LEMD2: variants seen among roughly 807,000 people sequenced by gnomAD.
LEMD2 encodes the protein LEM domain nuclear envelope protein 2.
In LEMD2, 34 loss-of-function variants were observed where a neutral mutation model predicts 58.8. The ratio of observed to expected loss-of-function variants is 0.58; its 90% CI spans 0.44 to 0.77. The LOEUF is 0.77. Ranked by LOEUF, LEMD2 falls within the 30% of genes least tolerant of loss-of-function variation. LEMD2 has a pLI of 0.00. For missense variants in LEMD2, 629 were observed against 717.9 expected (o/e 0.88, Z 1.42); for synonymous variants, 298 against 308.9 (o/e 0.96, Z 0.37).
intron 1 of LEMD2, 124 bp from the exon 2 acceptor site, chr6:33,786,898 G>A (rs1767689630): frequency 1.3e-6 from 2 of 1,501,392 alleles, no homozygotes; most frequent in East Asian, 4.8e-5. Flanking sequence ...GGATTAGAAA[G>A]ATGTCATCTA....
chr6:33,771,441 AAGACT>A lies in LEMD2; in HGVS notation c.*1182_*1186del, dbSNP rs1767288003. ...TATTAAGGAAACAAAAAATACCAGT[AAGACT>A]AGAGAGGGGTGGTTAATGTTTCTGG... On this transcript the variant is annotated 3_prime_UTR_variant, in exon 9 of 9. Coordinates refer to ENST00000293760, the MANE Select transcript of LEMD2 (RefSeq NM_181336.4). 1 of 152,250 alleles carries A rather than the reference AAGACT, an allele frequency of 6.6e-6. No individual in the cohort carries two copies. The highest frequency in any genetic ancestry group is 2.1e-4 in the South Asian group (1 of 4,838). 9.4% of individuals were successfully genotyped at this position (152,250 alleles called of 1,614,324 possible).
At chr6:33,776,618 C>T (rs1767435297) in intron 8 of LEMD2, 1 of 333,078 alleles carries the variant, frequency 3.0e-6, no homozygotes, top group African/African-American at 2.1e-5. Context: ...TGAACTTCCA[C>T]TTACAGAGAC....
At position 33,784,540 on chromosome 6, in the gene LEMD2, C is replaced by T. The variant is rs959920603; in HGVS notation, c.778-113G>A. On this transcript the variant is annotated intron_variant, in intron 2 of 8. Transcript: ENST00000293760. The stretch of plus-strand genomic sequence containing the variant: ...AAATACTAAACAGCAAGGAATATCT[C>T]ATACTTTTACAAAATAGAAAAAAAT... 5.8e-6 allele frequency: 4 copies of T among 692,742 alleles called. No homozygotes were observed. The African/African-American group carries it at 7.1e-5, about 12-fold the overall frequency. 42.9% of individuals were successfully genotyped at this position (692,742 alleles called of 1,614,324 possible).
In LEMD2 at chr6:33,789,082, T is replaced by A; in HGVS notation, c.35A>T (p.Glu12Val). The change falls in exon 1 of 9, where the codon GAG becomes GTG. Residue 12 changes from glutamate (E) to valine (V), a missense_variant. Physicochemically the swap from Glu to Val is moderately radical, Grantham distance 121. Around this residue, in one of 2 missense-constraint regions of LEMD2, gnomAD observed 386 missense variants for 381.1 expected, o/e 1.01. Coordinates refer to ENST00000293760, the MANE Select transcript of LEMD2 (RefSeq NM_181336.4). ...AGLSDLELRR[E>V]LQALGFQPGP... ...TGGCTGGAAGCCCAGGGCCTGCAGC[T>A]CCCGCCGCAGTTCCAGGTCCGACAG... 6.5e-7 allele frequency: 1 copy of A among 1,539,708 alleles called. No individual in the cohort carries two copies.
chr6:33,788,262 GAC>G, intron 1 of LEMD2, 117 bp downstream of exon 1: 4 of 1,047,872 alleles, frequency 3.8e-6, no homozygotes, highest in Non-Finnish European at 5.2e-6. Flanking sequence ...GAAATGAGAA[GAC>G]AGTCAGAGGC....
chr6:33,780,389 A>G, intron 4 of LEMD2: 1 of 590,430 alleles, frequency 1.7e-6, no homozygotes, highest in Admixed American at 2.6e-5. Context: ...ATGCGGAAGC[A>G]CAAGCAGGAA....
chr6:33,780,018 T>C lies in LEMD2; in HGVS notation c.1010+82A>G, dbSNP rs1582257117. On this transcript the variant is annotated intron_variant, in intron 5 of 8. Coordinates refer to ENST00000293760, the MANE Select transcript of LEMD2 (RefSeq NM_181336.4). The stretch of plus-strand genomic sequence containing the variant: ...TCCAGCTTCAGACCTGAGACAGCTC[T>C]GTTGGAGCACGGGTGTTAGCTGACG... 2.5e-6 allele frequency: 3 copies of C among 1,217,284 alleles called. No individual in the cohort carries two copies. The East Asian group carries it at 7.7e-5, about 31-fold the overall frequency. 75.4% of individuals were successfully genotyped at this position (1,217,284 alleles called of 1,614,324 possible). A position where few individuals can be genotyped will look rare whatever the true frequency, so the allele number is the denominator to read the frequency against.
At chr6:33,777,962 C>G (rs1767475291) in intron 6 of LEMD2, among the ~76,000 whole-genome samples, 1 of 152,234 alleles carries the variant, frequency 6.6e-6, no homozygotes. Context: ...GGGCCCAGCT[C>G]CTGCTCAGGC....
chr6:33,787,303 G>A lies in LEMD2; in HGVS notation c.737-529C>T, dbSNP rs576979928. On this transcript the variant is annotated intron_variant, in intron 1 of 8. Transcript: ENST00000293760. The stretch of plus-strand genomic sequence containing the variant: ...TAGTTATAGTACCATGACACTCCCA[G>A]GTCTCCTTAATTTCTCTAGCAGGTC... 7.6e-4 allele frequency among the ~76,000 whole-genome samples: 115 copies of A among 151,926 alleles called. 1 individual carries two copies. Among genetic ancestry groups the A allele is most frequent in the African/African-American group, 2.4e-3 (99 of 41,452 alleles).
chr6:33,785,203 G>T (rs1715984990), intron 2 of LEMD2, among the ~76,000 whole-genome samples: 1 of 152,102 alleles, frequency 6.6e-6, no homozygotes, highest in African/African-American at 2.4e-5. Context: ...CAAAGAATAA[G>T]ACTTTCAGCA....
At chr6:33,781,003 C>A in intron 4 of LEMD2, 74 bp downstream of exon 4, 2 of 1,029,184 alleles carry the variant, frequency 1.9e-6, no homozygotes, top group Non-Finnish European at 1.5e-6. Context: ...AACAAAAACC[C>A]CAACAGGGCT....
At chr6:33,783,003 A>G (rs1178232098) in intron 3 of LEMD2, among the ~76,000 whole-genome samples, 1 of 152,186 alleles carries the variant, frequency 6.6e-6, no homozygotes, top group East Asian at 1.9e-4. Flanking sequence ...ATCTACTAGG[A>G]CCCAATTTCG....
chr6:33,785,214 A>G (rs1277766236), intron 2 of LEMD2, among the ~76,000 whole-genome samples: 1 of 152,186 alleles, frequency 6.6e-6, no homozygotes, highest in Non-Finnish European at 1.5e-5. Flanking sequence ...ACTTTCAGCA[A>G]GAGCCTCACC....
At chr6:33,780,614 C>G (rs1767544456) in intron 4 of LEMD2, among the ~76,000 whole-genome samples, 1 of 152,144 alleles carries the variant, frequency 6.6e-6, no homozygotes, top group Non-Finnish European at 1.5e-5. Flanking sequence ...GCAAATGGAA[C>G]CAGATGACCC....
chr6:33,776,046 C>A (rs1767422949), intron 8 of LEMD2, among the ~76,000 whole-genome samples: 1 of 152,168 alleles, frequency 6.6e-6, no homozygotes, highest in Non-Finnish European at 1.5e-5. Flanking sequence ...CTGTCAGGAC[C>A]CCAGTGTACA....
intron 8 of LEMD2, 124 bp from the exon 9 acceptor site, chr6:33,772,902 TG>T: frequency 1.2e-6 from 1 of 848,954 alleles, no homozygotes. Flanking sequence ...GAGGAAAAGC[TG>T]GCAGGTACTA....
Position 33,780,146 on chromosome 6 carries a change from C to T in LEMD2, c.964G>A (p.Ala322Thr). 6.3e-7 allele frequency: 1 copy of T among 1,597,032 alleles called. No homozygotes were observed. Among genetic ancestry groups the T allele is most frequent in the Non-Finnish European group, 8.5e-7 (1 of 1,170,874 alleles). The change falls in exon 5 of 9, where the codon GCC (alanine) becomes ACC (threonine). Residue 322 changes from alanine (A) to threonine (T), a missense_variant. Ala to Thr is a moderately conservative substitution (Grantham distance 58). Coordinates refer to ENST00000293760, the MANE Select transcript of LEMD2 (RefSeq NM_181336.4). Reference sequence around the variant, plus strand: ...CTGCTCAGTATCCAGGTCAGTGCGGCTTCAAACTTGGCGGAGGAGCTGCTG... The same window carrying T: ...CTGCTCAGTATCCAGGTCAGTGCGGTTTCAAACTTGGCGGAGGAGCTGCTG... Reference protein sequence around the residue: ...VTSSSSAKFEAALTWILSSNK... With the variant: ...VTSSSSAKFETALTWILSSNK...
chr6:33,784,335 T>C lies in LEMD2; in HGVS notation c.853+17A>G, dbSNP rs1245535184. On this transcript the variant is annotated intron_variant, in intron 3 of 8. Transcript: ENST00000293760. The stretch of plus-strand genomic sequence containing the variant: ...GCTCTCACAAGAGGAATCTCAGGAC[T>C]TACGTGACTTACTCACCAGCTTGGA... 1.0e-5 allele frequency: 16 copies of C among 1,604,158 alleles called. No individual in the cohort carries two copies. Among genetic ancestry groups the C allele is most frequent in the Non-Finnish European group, 1.3e-5 (15 of 1,171,152 alleles).
chr6:33,788,433 G>C lies in LEMD2; in HGVS notation c.684C>G (p.Ile228Met), dbSNP rs1312865718. The change falls in exon 1 of 9, where the codon ATC (isoleucine) becomes ATG (methionine). Residue 228 changes from isoleucine (I) to methionine (M), a missense_variant. Ile to Met is a conservative substitution (Grantham distance 10). Transcript: ENST00000293760. ...AGGGCTTGCCCATCTTCACCCAAAG[G>C]ATGCCCAGGAAGACGAGCAGTAGCC... ...SLGLLLVFLG[I>M]LWVKMGKPSA... is the part of the protein sequence containing the mutation. 1.3e-6 allele frequency: 2 copies of C among 1,586,414 alleles called. No individual in the cohort carries two copies. The highest frequency in any genetic ancestry group is 1.7e-6 in the Non-Finnish European group (2 of 1,167,408).
Sources: allele counts gnomAD v4.1 joint callset (sites outside exome capture counted in the v4.1 genomes callset), GRCh38; gene constraint gnomAD v4.1.1; regional missense constraint gnomAD v4.1.1; transcripts MANE v1.5; gene names NCBI Gene and HGNC (gene_info 2026-07-23, HGNC 2026-07-21).